The following CNTLN variants were observed in gnomAD, a reference collection of about 807,000 sequenced individuals.
CNTLN encodes the protein centlein, also known as centlein, centrosomal protein.
In CNTLN, 212 loss-of-function variants were observed where a neutral mutation model predicts 180.0. The ratio of observed to expected loss-of-function variants is 1.18; its 90% CI spans 1.05 to 1.32. The LOEUF is 1.32. Among genes scored for constraint, CNTLN ranks in the 40% most tolerant of loss-of-function variants. The pLI, the probability that CNTLN is intolerant of heterozygous loss-of-function variation, is 0.00. For synonymous variants in CNTLN, 722 were observed against 563.1 expected (o/e 1.28, Z -3.99); for missense variants, 2,095 against 1,610.9 (o/e 1.30, Z -5.14).
chr9:17,350,166 A>G (rs1434567292), intron 12 of CNTLN, among the ~76,000 whole-genome samples: 2 of 152,354 alleles, frequency 1.3e-5, no homozygotes, highest in Non-Finnish European at 1.5e-5. Context: ...AACTATAATA[A>G]GGGGCTCAAG....
chr9:17,236,522 G>A lies in CNTLN; in HGVS notation c.783G>A (p.Leu261=), dbSNP rs1250791035. 2 of 1,613,386 alleles carry A rather than the reference G, an allele frequency of 1.2e-6. No homozygotes were observed. Among genetic ancestry groups the A allele is most frequent in the South Asian group, 2.2e-5 (2 of 90,984 alleles). ...STRCTDLLND[L]EKLRKQEAHL... ...GCTGCACTGACCTGCTAAATGACCT[G>A]GAGAAATTGAGGAAGCAGGAAGCAC... Residue 261 remains leucine (L), a synonymous_variant, in exon 5 of 26, where the codon CTG becomes CTA. Coordinates refer to ENST00000380647, the MANE Select transcript of CNTLN (RefSeq NM_017738.4).
chr9:17,323,081 A>G (rs1482206992), intron 8 of CNTLN, among the ~76,000 whole-genome samples: 1 of 152,158 alleles, frequency 6.6e-6, no homozygotes, highest in South Asian at 2.1e-4. Context: ...GTTGTTCATT[A>G]ATGAACTTAT....
intron 1 of CNTLN, among the ~76,000 whole-genome samples, chr9:17,139,568 G>T (rs1224150903): frequency 6.6e-6 from 1 of 151,846 alleles, no homozygotes; most frequent in Non-Finnish European, 1.5e-5. Context: ...GCTGAGGCAG[G>T]AGAATTGCTT....
intron 2 of CNTLN, among the ~76,000 whole-genome samples, chr9:17,213,051 C>T (rs553153639): frequency 1.3e-4 from 20 of 152,088 alleles, no homozygotes; most frequent in East Asian, 3.9e-4. Context: ...GTGTCTCTAT[C>T]TCCTTCAGTT....
intron 18 of CNTLN, among the ~76,000 whole-genome samples, chr9:17,452,818 G>A (rs750746130): frequency 3.9e-4 from 60 of 152,154 alleles, no homozygotes; most frequent in Non-Finnish European, 8.1e-4. Flanking sequence ...GAAAACAAGG[G>A]AAAATAGGCC....
In CNTLN at chr9:17,484,487, T is replaced by C. The variant is rs1832803970; in HGVS notation, c.4041+7T>C. 1 of 1,577,926 alleles carries C rather than the reference T, an allele frequency of 6.3e-7. No homozygotes were observed. Among genetic ancestry groups the C allele is most frequent in the Non-Finnish European group, 8.6e-7 (1 of 1,167,090 alleles). On this transcript the variant is annotated splice_region_variant and intron_variant, in intron 24 of 25. Coordinates refer to ENST00000380647, the MANE Select transcript of CNTLN (RefSeq NM_017738.4). The stretch of plus-strand genomic sequence containing the variant: ...AGACACAGAAGATCAAGTGGTAAGA[T>C]CATTTAAATATTTATTATTAAAGGG...
At chr9:17,399,404 C>T (rs1179022235) in intron 15 of CNTLN, among the ~76,000 whole-genome samples, 1 of 152,212 alleles carries the variant, frequency 6.6e-6, no homozygotes, top group Non-Finnish European at 1.5e-5. Context: ...TCAAACACAA[C>T]ATAAACTTCC....
chr9:17,369,136 A>ATGC (rs1260845741), intron 13 of CNTLN, among the ~76,000 whole-genome samples: 1 of 152,012 alleles, frequency 6.6e-6, no homozygotes, highest in African/African-American at 2.4e-5. Context: ...GGTTTCTCCC[A>ATGC]TGCTGCTCTC....
At chr9:17,266,403 C>G (rs376397929) in intron 5 of CNTLN, among the ~76,000 whole-genome samples, 1 of 152,040 alleles carries the variant, frequency 6.6e-6, no homozygotes, top group Non-Finnish European at 1.5e-5. Flanking sequence ...GTCTGAGAGA[C>G]AGTTTGTTAT....
intron 2 of CNTLN, among the ~76,000 whole-genome samples, chr9:17,159,019 A>G (rs1819493513): frequency 6.6e-6 from 1 of 151,876 alleles, no homozygotes; most frequent in Admixed American, 6.6e-5. Context: ...TGCATTTCGT[A>G]AGTTGTTATA....
intron 5 of CNTLN, among the ~76,000 whole-genome samples, chr9:17,240,763 G>A (rs1825435818): frequency 6.6e-6 from 1 of 152,074 alleles, no homozygotes; most frequent in African/African-American, 2.4e-5. Flanking sequence ...GATCCCATGT[G>A]TACATTTTTA....
At chr9:17,347,600 T>A (rs2133259593) in intron 12 of CNTLN, among the ~76,000 whole-genome samples, 2 of 144,322 alleles carry the variant, frequency 1.4e-5, no homozygotes, top group East Asian at 2.0e-4. Context: ...ACCCAGGAGG[T>A]GGAGGTTGCA....
intron 15 of CNTLN, among the ~76,000 whole-genome samples, chr9:17,401,527 G>A (rs1372700): frequency 0.8 from 120,138 of 150,248 alleles, 48,984 homozygotes; most frequent in Non-Finnish European, 0.87. Flanking sequence ...ACGTGCTACC[G>A]TGCCTGGCTA....
At chr9:17,296,001 T>A (rs62558352) in intron 6 of CNTLN, among the ~76,000 whole-genome samples, 2,405 of 43,680 alleles carry the variant, frequency 0.055, 16 homozygotes, top group African/African-American at 0.091. Context: ...AGAGAGAGTG[T>A]GTGTGTGTGT....
At chr9:17,181,426 A>G (rs1218216391) in intron 2 of CNTLN, among the ~76,000 whole-genome samples, 3 of 151,972 alleles carry the variant, frequency 2.0e-5, no homozygotes, top group Admixed American at 6.6e-5. Context: ...GAGGCTTCCA[A>G]TTTGTTTCTT....
At chr9:17,194,154 G>GA (rs1037069449) in intron 2 of CNTLN, among the ~76,000 whole-genome samples, 90 of 151,782 alleles carry the variant, frequency 5.9e-4, no homozygotes, top group African/African-American at 2.1e-3. Context: ...GGGCTGCTGT[G>GA]AAAACCTCTG....
At chr9:17,352,162 A>C (rs374216361) in intron 12 of CNTLN, among the ~76,000 whole-genome samples, 1 of 151,890 alleles carries the variant, frequency 6.6e-6, no homozygotes, top group Non-Finnish European at 1.5e-5. Context: ...TCTTTTGGTC[A>C]TTTTTCCTTA....
At chr9:17,527,429 A>C in the CNTLN span, among the ~76,000 whole-genome samples, 3 of 152,218 alleles carry the variant, frequency 2.0e-5, no homozygotes, top group Non-Finnish European at 2.9e-5. Flanking sequence ...AGAAGCTCTC[A>C]CTGTGCTCTA....
At chr9:17,368,284 G>A (rs1243705389) in intron 13 of CNTLN, among the ~76,000 whole-genome samples, 1 of 152,110 alleles carries the variant, frequency 6.6e-6, no homozygotes, top group Non-Finnish European at 1.5e-5. Context: ...AGGGAAGAGT[G>A]GGAAGGACTG....
Sources: allele counts gnomAD v4.1 joint callset (sites outside exome capture counted in the v4.1 genomes callset), GRCh38; gene constraint gnomAD v4.1.1; transcripts MANE v1.5; gene names NCBI Gene and HGNC (gene_info 2026-07-23, HGNC 2026-07-21).